The following CORO1C variants were observed in gnomAD, a reference collection of about 807,000 sequenced individuals.
CORO1C encodes coronin 1C.
Under a neutral mutation model 51.2 loss-of-function variants are expected in CORO1C, and 14 were observed. That is an observed-to-expected ratio of 0.27 (90% CI 0.18 to 0.43). CORO1C has a LOEUF of 0.43. Ranked by LOEUF, CORO1C falls within the 20% of genes least tolerant of loss-of-function variation. The pLI, the probability that CORO1C is intolerant of heterozygous loss-of-function variation, is 1.00. For missense variants in CORO1C, 417 were observed against 607.8 expected (o/e 0.69, Z 3.30); for synonymous variants, 181 against 210.5 (o/e 0.86, Z 1.21).
intron 2 of CORO1C, among the ~76,000 whole-genome samples, chr12:108,692,904 T>C (rs1164102037): frequency 6.6e-6 from 1 of 150,838 alleles, no homozygotes; most frequent in Non-Finnish European, 1.5e-5. Flanking sequence ...TTCAAGCCAT[T>C]CTCCTGTCTC....
rs557409046 is a variant in CORO1C, at chr12:108,687,278, A to G, written c.196-8884T>C. ...GCAAAAAACATTCCTCTTTAGGCAC[A>G]CTAAATTCAACATAAATCTTAAGAA... On this transcript the variant is annotated intron_variant, in intron 2 of 10. Transcript: ENST00000261401. Among the ~76,000 whole-genome samples the G allele has an allele frequency of 5.1e-4, 78 of 152,298 alleles. 1 individual carries two copies. Among genetic ancestry groups the G allele is most frequent in the Admixed American group, 2.8e-3 (43 of 15,300 alleles).
At chr12:108,713,464 A>T (rs1239568175) in intron 1 of CORO1C, among the ~76,000 whole-genome samples, 1 of 152,246 alleles carries the variant, frequency 6.6e-6, no homozygotes. Context: ...AGATGCCAAG[A>T]ATGAGGCATA....
chr12:108,678,745 C>T (rs1006167900), intron 2 of CORO1C, among the ~76,000 whole-genome samples: 1 of 140,842 alleles, frequency 7.1e-6, no homozygotes, highest in Non-Finnish European at 1.5e-5. Context: ...AAACCCTAAA[C>T]CTTGGTATTA....
intron 1 of CORO1C, among the ~76,000 whole-genome samples, chr12:108,706,647 C>T (rs148879698): frequency 0.057 from 8,666 of 151,966 alleles, 506 homozygotes; most frequent in East Asian, 0.31. Context: ...CAGGGTGGAG[C>T]GCAGTGGTGC....
chr12:108,648,185 C>T (rs1423395028), intron 10 of CORO1C, among the ~76,000 whole-genome samples: 1 of 152,168 alleles, frequency 6.6e-6, no homozygotes, highest in African/African-American at 2.4e-5. Flanking sequence ...ACACGTGCCA[C>T]TCCCTCCTTC....
intron 1 of CORO1C, among the ~76,000 whole-genome samples, chr12:108,712,672 G>A (rs1224953118): frequency 2.0e-5 from 3 of 151,026 alleles, no homozygotes; most frequent in Non-Finnish European, 4.4e-5. Flanking sequence ...GCAAATATAG[G>A]AGGTACTCTG....
chr12:108,701,507 T>C, intron 1 of CORO1C, 184 bp from the exon 2 acceptor site: 1 of 774,240 alleles, frequency 1.3e-6, no homozygotes, highest in East Asian at 2.7e-5. Context: ...AACTGCAAAA[T>C]GCGTCAGGGA....
intron 1 of CORO1C, among the ~76,000 whole-genome samples, chr12:108,708,171 G>T (rs1194241939): frequency 2.6e-5 from 4 of 152,158 alleles, no homozygotes; most frequent in Non-Finnish European, 5.9e-5. Flanking sequence ...ACAAATACTT[G>T]TACATGAGTC....
chr12:108,703,722 C>G (rs949216594), intron 1 of CORO1C, among the ~76,000 whole-genome samples: 4 of 152,160 alleles, frequency 2.6e-5, no homozygotes, highest in South Asian at 2.1e-4. Context: ...GGCTGCACAA[C>G]CAGGGTACTG....
intron 2 of CORO1C, among the ~76,000 whole-genome samples, chr12:108,700,682 G>A (rs542134768): frequency 1.3e-5 from 2 of 150,942 alleles, no homozygotes; most frequent in African/African-American, 2.4e-5. Context: ...AAAAGAAAAA[G>A]GGCTCATCCT....
At chr12:108,711,629 G>C (rs940872123) in intron 1 of CORO1C, among the ~76,000 whole-genome samples, 3 of 149,076 alleles carry the variant, frequency 2.0e-5, no homozygotes, top group Non-Finnish European at 4.4e-5. Context: ...GCAGTGAACC[G>C]AGATCGCGTC....
At chr12:108,726,962 G>A (rs2035608144) in intron 1 of CORO1C, among the ~76,000 whole-genome samples, 1 of 152,228 alleles carries the variant, frequency 6.6e-6, no homozygotes, top group Non-Finnish European at 1.5e-5. Flanking sequence ...TTGGATGCCA[G>A]AAGGGCAAAA....
At chr12:108,667,456 G>A (rs2033528430) in intron 3 of CORO1C, among the ~76,000 whole-genome samples, 1 of 152,188 alleles carries the variant, frequency 6.6e-6, no homozygotes, top group Non-Finnish European at 1.5e-5. Flanking sequence ...GCATCTCAGT[G>A]CAGCAGAGAG....
intron 2 of CORO1C, among the ~76,000 whole-genome samples, chr12:108,685,199 G>A (rs1250007036): frequency 6.6e-6 from 1 of 152,116 alleles, no homozygotes; most frequent in African/African-American, 2.4e-5. Context: ...AAAGTTAATA[G>A]CTATTCACCA....
chr12:108,678,427 A>G (rs920183260), intron 2 of CORO1C, 33 bp from the exon 3 acceptor site: 18 of 1,520,120 alleles, frequency 1.2e-5, no homozygotes, highest in Non-Finnish European at 1.5e-5. Flanking sequence ...CTATTATGTA[A>G]TATCAACACC....
intron 3 of CORO1C, among the ~76,000 whole-genome samples, chr12:108,671,327 A>G (rs1418809434): frequency 6.6e-6 from 1 of 152,148 alleles, no homozygotes; most frequent in Non-Finnish European, 1.5e-5. Flanking sequence ...CTTGTCTCAA[A>G]AAAAGAAAGA....
chr12:108,654,543 C>T (rs2032844410), intron 6 of CORO1C, 133 bp from the exon 7 acceptor site: 1 of 543,292 alleles, frequency 1.8e-6, no homozygotes, highest in Non-Finnish European at 3.3e-6. Context: ...GAAGTTTGAA[C>T]TATGCACATA....
intron 3 of CORO1C, among the ~76,000 whole-genome samples, chr12:108,666,240 AAGCTGGCTCAGG>A (rs911422564): frequency 2.0e-5 from 3 of 152,238 alleles, no homozygotes; most frequent in African/African-American, 7.2e-5. Context: ...TGCCATAAAG[AAGCTGGCTCAGG>A]AGCTGCTAGG....
rs1274000265 is a variant in CORO1C, at chr12:108,645,314, TC to T, written c.*2088del. ...ACTCTGAGCTTGGCTGGGCATCCATTCATTAAATAAGTCATAAGCTACAAAC... is the reference window on the plus strand; with the variant it reads ...ACTCTGAGCTTGGCTGGGCATCCATTATTAAATAAGTCATAAGCTACAAAC... On this transcript the variant is annotated 3_prime_UTR_variant, in exon 11 of 11. Transcript: ENST00000261401. 4 of 151,798 alleles carry T rather than the reference TC, an allele frequency of 2.6e-5. No individual in the cohort carries two copies. Among genetic ancestry groups the T allele is most frequent in the Non-Finnish European group, 4.4e-5 (3 of 67,984 alleles). 9.4% of individuals were successfully genotyped at this position (151,798 alleles called of 1,614,324 possible). A position where few individuals can be genotyped will look rare whatever the true frequency, so the allele number is the denominator to read the frequency against.
Sources: allele counts gnomAD v4.1 joint callset (sites outside exome capture counted in the v4.1 genomes callset), GRCh38; gene constraint gnomAD v4.1.1; transcripts MANE v1.5; gene names NCBI Gene and HGNC (gene_info 2026-07-23, HGNC 2026-07-21).